GOLGA2: variants seen among roughly 807,000 people sequenced by gnomAD.
GOLGA2 encodes golgin A2.
A neutral mutation model predicts 148.8 loss-of-function variants in GOLGA2; 49 were observed. The observed-to-expected ratio is 0.33, with a 90% CI of 0.26 to 0.42. The LOEUF (loss-of-function observed/expected upper bound fraction) is 0.42. GOLGA2 is among the 10% of genes least tolerant of loss of function. The pLI is 1.00. For synonymous variants in GOLGA2, 501 were observed against 511.8 expected (o/e 0.98, Z 0.28); for missense variants, 1,178 against 1,304.6 (o/e 0.90, Z 1.49).
chr9:128,263,576 C>T (rs930095795), intron 12 of GOLGA2, among the ~76,000 whole-genome samples: 3 of 152,034 alleles, frequency 2.0e-5, no homozygotes, highest in Non-Finnish European at 2.9e-5. Context: ...CGCCACCACA[C>T]CCGGCTAATT....
rs774309359 is a variant in GOLGA2, at chr9:128,265,756, G to A, written c.826+32C>T. On this transcript the variant is annotated intron_variant, in intron 11 of 26. Coordinates refer to ENST00000611957, the MANE Select transcript of GOLGA2 (RefSeq NM_001366244.2). The stretch of plus-strand genomic sequence containing the variant: ...CCCTAAAGGCCTGTCAAAGTGCCAG[G>A]TTGAAGGATGATGGGGTGCCCAGAT... 2.5e-6 allele frequency: 4 copies of A among 1,610,536 alleles called. No homozygotes were observed. The African/African-American group carries it at 4.0e-5, about 16-fold the overall frequency.
At chr9:128,274,518 T>C (rs972434148) in intron 1 of GOLGA2, among the ~76,000 whole-genome samples, 7 of 152,144 alleles carry the variant, frequency 4.6e-5, no homozygotes, top group African/African-American at 1.4e-4. Context: ...AAAATAAATA[T>C]GTATCTTAAA....
chr9:128,274,466 G>A (rs1831173849), intron 1 of GOLGA2, among the ~76,000 whole-genome samples: 1 of 152,158 alleles, frequency 6.6e-6, no homozygotes, highest in South Asian at 2.1e-4. Context: ...AAGGCCAGGA[G>A]TTCAAGGTCA....
At position 128,261,569 on chromosome 9, in the gene GOLGA2, A is replaced by G. The variant is rs1347685060; in HGVS notation, c.1225-8T>C. ...TCTAACCGACTCCATTACCTGCAAGAATGGCCACAGAAATGAGGAAGGACT... is the reference window on the plus strand; with the variant it reads ...TCTAACCGACTCCATTACCTGCAAGGATGGCCACAGAAATGAGGAAGGACT... On this transcript the variant is annotated splice_region_variant and splice_polypyrimidine_tract_variant and intron_variant, in intron 15 of 26. Transcript: ENST00000611957. This position sits in a 1 kb window ranked among gnomAD's most constrained non-coding sequence, Gnocchi z 5.7. The G allele has an allele frequency of 1.3e-6, 2 of 1,569,010 alleles. No homozygotes were observed.
rs1191435971 is a variant in GOLGA2, at chr9:128,261,152, T to G, written c.1420+20A>C. The G allele has an allele frequency of 6.4e-7, 1 of 1,557,812 alleles. No homozygotes were observed. Among genetic ancestry groups the G allele is most frequent in the Admixed American group, 1.7e-5 (1 of 59,940 alleles). ...CTCTGACACCATTCCTGCTCCCAGGTCACCCCAGCCCCAGCTTACCCATCT... is the reference window on the plus strand; with the variant it reads ...CTCTGACACCATTCCTGCTCCCAGGGCACCCCAGCCCCAGCTTACCCATCT... On this transcript the variant is annotated intron_variant, in intron 17 of 26. Transcript: ENST00000611957. This position sits in a 1 kb window ranked among gnomAD's most constrained non-coding sequence, Gnocchi z 5.7.
At chr9:128,275,220 C>A (rs539902240) in intron 1 of GOLGA2, among the ~76,000 whole-genome samples, 1 of 152,146 alleles carries the variant, frequency 6.6e-6, no homozygotes, top group Non-Finnish European at 1.5e-5. Flanking sequence ...GTCCCCAATC[C>A]CCTTCCAGCT....
At chr9:128,264,884 G>C (rs1055477013) in intron 12 of GOLGA2, among the ~76,000 whole-genome samples, 7 of 152,182 alleles carry the variant, frequency 4.6e-5, no homozygotes, top group African/African-American at 1.7e-4. Context: ...CACCACATGA[G>C]ACAGTTACTA....
At position 128,260,718 on chromosome 9, in the gene GOLGA2, TCCTTCCG is replaced by T; in HGVS notation, c.1498_1504del (p.Arg500SerfsTer19). On this transcript the variant is annotated frameshift_variant, in exon 18 of 27. Coordinates refer to ENST00000611957, the MANE Select transcript of GOLGA2 (RefSeq NM_001366244.2). LOFTEE classifies it high-confidence loss of function. This position sits in a 1 kb window ranked among gnomAD's most constrained non-coding sequence, Gnocchi z 4.8. Reference sequence around the variant, plus strand: ...AAGCTGTCCTGCCAGACCCTCCAGCTCCTTCCGCAGGTGCTCAGCCTCCGCTTGTAGC... The same window carrying T: ...AAGCTGTCCTGCCAGACCCTCCAGCTCAGGTGCTCAGCCTCCGCTTGTAGC... 6.2e-7 allele frequency: 1 copy of T among 1,613,358 alleles called. No individual in the cohort carries two copies. Among genetic ancestry groups the T allele is most frequent in the Non-Finnish European group, 8.5e-7 (1 of 1,179,882 alleles).
intron 3 of GOLGA2, among the ~76,000 whole-genome samples, chr9:128,272,191 C>T (rs1378121052): frequency 5.3e-5 from 8 of 151,528 alleles, no homozygotes; most frequent in African/African-American, 1.9e-4. Flanking sequence ...AGCCCAAATC[C>T]CAGAATCCCA....
rs534286778 is a variant in GOLGA2, at chr9:128,257,173, C to T, written c.2984G>A (p.Arg995His). 13 of 1,613,892 alleles carry T rather than the reference C, an allele frequency of 8.1e-6. No individual in the cohort carries two copies. Among genetic ancestry groups the T allele is most frequent in the East Asian group, 2.2e-5 (1 of 44,892 alleles). Residue 995 changes from arginine (R) to histidine (H), a missense_variant, in exon 27 of 27, where the codon CGT (arginine) becomes CAT (histidine). This residue lies in a region of GOLGA2 where 149 missense variants were observed against 154.9 expected (regional missense o/e 0.96). Transcript: ENST00000611957. The surrounding 1 kb of genome is among the most constrained non-coding windows in gnomAD (Gnocchi z 8.0). ...GCGCTCCCGGGGGTTCTGCATCTCA[C>T]GAAGCAGCTGCATGATCTGCTGTGC... ...PTAQQIMQLL[R>H]EMQNPRERPG...
intron 12 of GOLGA2, among the ~76,000 whole-genome samples, chr9:128,265,332 C>A (rs558612027): frequency 5.9e-5 from 9 of 152,324 alleles, no homozygotes; most frequent in East Asian, 3.9e-4. Context: ...AAGGCCACAG[C>A]CAGGTAACGG....
In GOLGA2 at chr9:128,257,270, C is replaced by G. The variant is rs1418176850; in HGVS notation, c.2887G>C (p.Val963Leu). Residue 963 changes from valine (V) to leucine (L), a missense_variant, in exon 27 of 27, where the codon GTG (valine) becomes CTG (leucine). By Grantham distance (32) the Val-to-Leu change is conservative. Around this residue, in one of 5 missense-constraint regions of GOLGA2, gnomAD observed 149 missense variants for 154.9 expected, o/e 0.96. Coordinates refer to ENST00000611957, the MANE Select transcript of GOLGA2 (RefSeq NM_001366244.2). The surrounding 1 kb of genome is among the most constrained non-coding windows in gnomAD (Gnocchi z 8.0). ...GGCTCCACACTGCCGGCGAGGCTCA[C>G]CTCGCAAAGATCTTTGGAGAGAGAG... ...AANQQGDLCE[V>L]SLAGSVEPAQ... The G allele has an allele frequency of 6.2e-7, 1 of 1,612,986 alleles. No homozygotes were observed. Among genetic ancestry groups the G allele is most frequent in the South Asian group, 1.1e-5 (1 of 91,022 alleles).
In GOLGA2 at chr9:128,259,220, C is replaced by A; in HGVS notation, c.2044G>T (p.Ala682Ser). ...QLVDQLQQQEAQGKAVAEMAR... is the reference protein window; with the variant it reads ...QLVDQLQQQESQGKAVAEMAR... ...ATCTCGGCCACCGCTTTGCCCTGAG[C>A]TTCCTGCTGCTGCAGCTGGTCCACG... The change falls in exon 20 of 27, where the codon GCT becomes TCT. Residue 682 changes from alanine to serine, a missense_variant. Transcript: ENST00000611957. 6.3e-7 allele frequency: 1 copy of A among 1,591,662 alleles called. No homozygotes were observed. Among genetic ancestry groups the A allele is most frequent in the South Asian group, 1.2e-5 (1 of 86,036 alleles).
intron 12 of GOLGA2, among the ~76,000 whole-genome samples, chr9:128,264,152 G>A (rs1830449257): frequency 6.6e-6 from 1 of 150,882 alleles, no homozygotes; most frequent in African/African-American, 2.4e-5. Flanking sequence ...GCAACAGAGT[G>A]AGACTCCGTC....
chr9:128,261,693 G>A lies in GOLGA2; in HGVS notation c.1199C>T (p.Ala400Val). 2 of 1,612,004 alleles carry A rather than the reference G, an allele frequency of 1.2e-6. No homozygotes were observed. Among genetic ancestry groups the A allele is most frequent in the Non-Finnish European group, 1.7e-6 (2 of 1,178,056 alleles). ...QQLQQAMEER[A>V]QLEAHLGQVM... ...CTGCCCCAGGTGTGCTTCCAGCTGT[G>A]CCCGCTCCTCCATGGCCTGCTGTAA... Residue 400 changes from alanine (A) to valine (V), a missense_variant, in exon 15 of 27, where the codon GCA becomes GTA. Physicochemically the swap from Ala to Val is moderately conservative, Grantham distance 64. Transcript: ENST00000611957. The surrounding 1 kb of genome is among the most constrained non-coding windows in gnomAD (Gnocchi z 5.7).
chr9:128,268,885 G>A (rs888210731), intron 3 of GOLGA2, among the ~76,000 whole-genome samples: 2 of 152,240 alleles, frequency 1.3e-5, no homozygotes, highest in African/African-American at 4.8e-5. Flanking sequence ...CAGAAGGCCA[G>A]TCTGTGCTGC....
chr9:128,262,417 C>T, intron 14 of GOLGA2, 146 bp downstream of exon 14: 1 of 609,778 alleles, frequency 1.6e-6, no homozygotes, highest in South Asian at 2.4e-5. Context: ...ATTTTTAGCA[C>T]TCTCTAGAGG....
chr9:128,262,984 A>G (rs1335414024), intron 13 of GOLGA2, 50 bp downstream of exon 13: 7 of 1,164,828 alleles, frequency 6.0e-6, no homozygotes, highest in Non-Finnish European at 9.0e-6. Flanking sequence ...CCAGCACACC[A>G]CCCATGCTGA....
At position 128,267,534 on chromosome 9, in the gene GOLGA2, T is replaced by G. The variant is rs144116602; in HGVS notation, c.502-17A>C. 1.1e-4 allele frequency: 173 copies of G among 1,596,468 alleles called. 1 individual carries two copies. The East Asian group carries it at 3.8e-3, about 35-fold the overall frequency. Reference sequence around the variant, plus strand: ...TGTCGCAGACTATAAGAGACGAGAGTGCACATGGAGATGTTCTGTCCCCTC... The same window carrying G: ...TGTCGCAGACTATAAGAGACGAGAGGGCACATGGAGATGTTCTGTCCCCTC... On this transcript the variant is annotated splice_polypyrimidine_tract_variant and intron_variant, in intron 6 of 26. Coordinates refer to ENST00000611957, the MANE Select transcript of GOLGA2 (RefSeq NM_001366244.2).
Sources: allele counts gnomAD v4.1 joint callset (sites outside exome capture counted in the v4.1 genomes callset), GRCh38; gene constraint gnomAD v4.1.1; regional missense constraint gnomAD v4.1.1; non-coding constraint Gnocchi (gnomAD v3.1); transcripts MANE v1.5; gene names NCBI Gene and HGNC (gene_info 2026-07-23, HGNC 2026-07-21).